SLC35F4: variants seen among roughly 807,000 people sequenced by gnomAD.
The protein encoded by SLC35F4 is solute carrier family 35 member F4.
A neutral mutation model predicts 44.2 loss-of-function variants in SLC35F4; 24 were observed. The ratio of observed to expected loss-of-function variants is 0.54; its 90% confidence interval spans 0.39 to 0.76. The LOEUF (loss-of-function observed/expected upper bound fraction) is 0.76, where lower values mean the gene tolerates loss of function less well. Among genes scored for constraint, SLC35F4 ranks in the 30% least tolerant of loss-of-function variants. The pLI, the probability that SLC35F4 is intolerant of heterozygous loss-of-function variation, is 0.00. For missense variants in SLC35F4, 562 were observed against 586.1 expected (o/e 0.96, Z 0.42); for synonymous variants, 238 against 223.6 (o/e 1.06, Z -0.57).
intron 1 of SLC35F4, among the ~76,000 whole-genome samples, chr14:57,923,039 G>T (rs1889472489): frequency 6.6e-6 from 1 of 152,184 alleles, no homozygotes. Flanking sequence ...AGCTATGGTA[G>T]GTGCCGTTGT....
intron 1 of SLC35F4, among the ~76,000 whole-genome samples, chr14:57,851,266 C>T (rs1444813210): frequency 2.6e-5 from 4 of 152,016 alleles, no homozygotes; most frequent in Non-Finnish European, 5.9e-5. Flanking sequence ...TTAAATTTTG[C>T]ATACATTATT....
intron 1 of SLC35F4, among the ~76,000 whole-genome samples, chr14:57,649,742 C>T (rs983025263): frequency 3.3e-5 from 5 of 152,080 alleles, no homozygotes; most frequent in South Asian, 2.1e-4. Flanking sequence ...GTAATGTTGG[C>T]GAAATGAATG....
intron 1 of SLC35F4, among the ~76,000 whole-genome samples, chr14:57,842,800 T>C (rs1435818745): frequency 6.6e-6 from 1 of 152,216 alleles, no homozygotes; most frequent in African/African-American, 2.4e-5. Flanking sequence ...TGGGTGTGTC[T>C]GTGAGGGTGT....
At position 57,845,954 on chromosome 14, in the gene SLC35F4, A is replaced by T. The variant is rs193085960; in HGVS notation, c.103+19769T>A. The stretch of plus-strand genomic sequence containing the variant: ...CTACACTCCCAGCAAATATAATCAG[A>T]ATGTAACAGAAGTCAAGATGAGTAA... On this transcript the variant is annotated intron_variant, in intron 1 of 7. Transcript: ENST00000556826. Among the ~76,000 whole-genome samples, 8 of 152,330 alleles carry T rather than the reference A, an allele frequency of 5.3e-5. No homozygotes were observed. In the East Asian group the frequency reaches 1.5e-3, roughly 29 times the overall value.
At chr14:57,647,403 T>G (rs1049297970) in intron 1 of SLC35F4, among the ~76,000 whole-genome samples, 1 of 152,160 alleles carries the variant, frequency 6.6e-6, no homozygotes, top group Non-Finnish European at 1.5e-5. Flanking sequence ...CTTTTGATCT[T>G]TGTTGGTTTG....
chr14:57,861,886 C>T (rs1040544137), intron 1 of SLC35F4, among the ~76,000 whole-genome samples: 2 of 152,152 alleles, frequency 1.3e-5, no homozygotes, highest in South Asian at 2.1e-4. Context: ...TCTGCCTCTT[C>T]TCTTCTCTAT....
chr14:57,944,844 A>C (rs1889993916), intron 1 of SLC35F4, among the ~76,000 whole-genome samples: 1 of 152,196 alleles, frequency 6.6e-6, no homozygotes, highest in Non-Finnish European at 1.5e-5. Context: ...TGAGGAGACA[A>C]GTTCTCCCAC....
At chr14:57,674,708 A>C (rs1279277638) in intron 1 of SLC35F4, among the ~76,000 whole-genome samples, 1 of 151,832 alleles carries the variant, frequency 6.6e-6, no homozygotes, top group African/African-American at 2.4e-5. Flanking sequence ...AAGACATAAG[A>C]CTCCTGGGTC....
chr14:57,837,889 A>G (rs1885092949), intron 1 of SLC35F4, among the ~76,000 whole-genome samples: 1 of 152,138 alleles, frequency 6.6e-6, no homozygotes, highest in African/African-American at 2.4e-5. Flanking sequence ...AATATCTTCC[A>G]TGGCTCCCCT....
chr14:57,584,819 T>C, intron 3 of SLC35F4, among the ~76,000 whole-genome samples: 1 of 152,180 alleles, frequency 6.6e-6, no homozygotes, highest in East Asian at 1.9e-4. Flanking sequence ...TACTTCTTTT[T>C]ATATAAAACT....
intron 1 of SLC35F4, among the ~76,000 whole-genome samples, chr14:57,745,180 C>T (rs1228433617): frequency 6.6e-6 from 1 of 152,170 alleles, no homozygotes; most frequent in Non-Finnish European, 1.5e-5. Flanking sequence ...TGGGCAAGGA[C>T]TTCATGTCTA....
At chr14:57,968,951 C>T (rs1392924097) in intron 1 of SLC35F4, among the ~76,000 whole-genome samples, 3 of 152,244 alleles carry the variant, frequency 2.0e-5, no homozygotes, top group East Asian at 1.9e-4. Context: ...AGTTTCAGAA[C>T]TCAAATATGT....
intron 1 of SLC35F4, among the ~76,000 whole-genome samples, chr14:57,719,245 A>T (rs1342448655): frequency 6.6e-6 from 1 of 152,112 alleles, no homozygotes; most frequent in Non-Finnish European, 1.5e-5. Context: ...ATATCTCTGT[A>T]GTGTAATTTG....
chr14:57,896,992 A>T (rs1269707315), intron 1 of SLC35F4, among the ~76,000 whole-genome samples: 2 of 152,166 alleles, frequency 1.3e-5, no homozygotes, highest in East Asian at 3.9e-4. Flanking sequence ...TATCTGGAAG[A>T]TAAACTATAC....
At position 57,786,212 on chromosome 14, in the gene SLC35F4, C is replaced by T. The variant is rs149195667; in HGVS notation, c.103+79511G>A. On this transcript the variant is annotated intron_variant, in intron 1 of 7. Coordinates refer to ENST00000556826, the MANE Select transcript of SLC35F4 (RefSeq NM_001306087.2). Reference sequence around the variant, plus strand: ...AGCCATAATTCTCCTAGGTACACAACTGCGGTGACTTAGGAACCTCACTCC... The same window carrying T: ...AGCCATAATTCTCCTAGGTACACAATTGCGGTGACTTAGGAACCTCACTCC... Among the ~76,000 whole-genome samples, 18 of 152,244 alleles carry T rather than the reference C, an allele frequency of 1.2e-4. No individual in the cohort carries two copies. The East Asian group carries it at 3.1e-3, about 26-fold the overall frequency.
chr14:57,725,929 T>C (rs2347352), intron 1 of SLC35F4, among the ~76,000 whole-genome samples: 60,159 of 151,982 alleles, frequency 0.4, 11,936 homozygotes, highest in Middle Eastern at 0.42. Flanking sequence ...ACATTAAGTT[T>C]TGCTGGCCTA....
chr14:57,979,208 T>C (rs1184462708), intron 1 of SLC35F4, among the ~76,000 whole-genome samples: 2 of 152,140 alleles, frequency 1.3e-5, no homozygotes, highest in African/African-American at 4.8e-5. Context: ...TGGTTATTAA[T>C]TATGACCTCT....
At chr14:57,959,164 G>T (rs1025630939) in intron 1 of SLC35F4, among the ~76,000 whole-genome samples, 1 of 152,166 alleles carries the variant, frequency 6.6e-6, no homozygotes. Flanking sequence ...TTCATATTTT[G>T]TATGGTATAT....
At chr14:57,603,743 A>C (rs990094188) in intron 1 of SLC35F4, among the ~76,000 whole-genome samples, 3 of 152,162 alleles carry the variant, frequency 2.0e-5, no homozygotes, top group Non-Finnish European at 4.4e-5. Flanking sequence ...CTCCTCCCAA[A>C]GCCAGTCAGT....
Sources: allele counts gnomAD v4.1 joint callset (sites outside exome capture counted in the v4.1 genomes callset), GRCh38; gene constraint gnomAD v4.1.1; transcripts MANE v1.5; gene names NCBI Gene and HGNC (gene_info 2026-07-23, HGNC 2026-07-21).